The following SLF2 variants were observed in gnomAD, a reference collection of about 807,000 sequenced individuals.
SLF2 encodes the protein SMC5-SMC6 complex localization factor protein 2.
In SLF2, 68 loss-of-function variants were observed where a neutral mutation model predicts 124.3. The observed-to-expected ratio is 0.55, with a 90% CI of 0.45 to 0.67. SLF2 has a LOEUF of 0.67. Ranked by LOEUF, SLF2 falls within the 30% of genes least tolerant of loss-of-function variation. The probability of loss-of-function intolerance (pLI) is 0.00; values close to 1 mark genes in which losing one functional copy is unlikely to be tolerated. For synonymous variants in SLF2, 480 were observed against 478.8 expected, an observed-to-expected ratio of 1.00 and a Z score of -0.03; for missense variants, 1,246 against 1,373.7, an observed-to-expected ratio of 0.91 and a Z score of 1.47.
At chr10:100,940,773 CCCTGCCCCTGCT>C (rs902602590) in intron 11 of SLF2, among the ~76,000 whole-genome samples, 3 of 124,838 alleles carry the variant, frequency 2.4e-5, no homozygotes, top group African/African-American at 8.9e-5. Flanking sequence ...CTCCCCCTTC[CCCTGCCCCTGCT>C]CCTGCCCCTG....
intron 12 of SLF2, 148 bp from the exon 13 acceptor site, chr10:100,945,182 G>C: frequency 1.6e-6 from 1 of 607,614 alleles, no homozygotes; most frequent in South Asian, 2.6e-5. Flanking sequence ...ACATTGAGTA[G>C]TTCTTGCCTT....
rs139567699 is a variant in SLF2 at position 100,959,485 on chromosome 10, C to A, written c.3475C>A (p.Arg1159=). Residue 1159 remains arginine (R), a synonymous_variant, in exon 19 of 20, where the codon CGG becomes AGG. Transcript: ENST00000238961. ...ATGGCAGGAAATAATCCAGAACTGT[C>A]GGCCTACTCAGGTGTCATTTTGTTA... ...GKWQEIIQNC[R]PTQGQLHDFW... The A allele has an allele frequency of 3.8e-5, 62 of 1,612,808 alleles. No individual in the cohort carries two copies. In the African/African-American group the frequency reaches 7.6e-4, roughly 20 times the overall value.
rs1849433332 is a variant in SLF2 at position 100,917,154 on chromosome 10, A to T, written c.769A>T (p.Met257Leu). ...RELKRLRKEQMEQRINSENSF... is the reference protein window; with the variant it reads ...RELKRLRKEQLEQRINSENSF... ...ACTAAAGAGGTTGAGAAAGGAGCAA[A>T]TGGAGCAGAGAATCAACTCCGAGAA... The change falls in exon 3 of 20, where the codon ATG (methionine) becomes TTG (leucine). Residue 257 changes from methionine to leucine, a missense_variant. Physicochemically the swap from Met to Leu is conservative, Grantham distance 15. This residue lies in a region of SLF2 where 698 missense variants were observed against 708.9 expected (regional missense o/e 0.98). Coordinates refer to ENST00000238961, the MANE Select transcript of SLF2 (RefSeq NM_018121.4). The T allele has an allele frequency of 6.2e-7, 1 of 1,614,202 alleles. No homozygotes were observed. The highest frequency in any genetic ancestry group is 8.5e-7 in the Non-Finnish European group (1 of 1,180,042).
intron 18 of SLF2, among the ~76,000 whole-genome samples, chr10:100,958,301 T>A (rs1850369330): frequency 6.6e-6 from 1 of 152,242 alleles, no homozygotes; most frequent in South Asian, 2.1e-4. Flanking sequence ...TTAGTAAATT[T>A]AAGTTAAATA....
rs765449550 is a variant in SLF2 at position 100,924,092 on chromosome 10, G to A, written c.1091G>A (p.Arg364His). ...PKARESFLEK[R>H]PDGPHQKEKF... ...GCAAGAGAGTCCTTCCTTGAGAAGC[G>A]TCCTGATGGACCACATCAGAAAGAA... The change falls in exon 5 of 20, where the codon CGT becomes CAT. Residue 364 changes from arginine (R) to histidine (H), a missense_variant. Arg to His is a conservative substitution (Grantham distance 29). This residue lies in a region of SLF2 where 698 missense variants were observed against 708.9 expected (regional missense o/e 0.98). Transcript: ENST00000238961. The A allele has an allele frequency of 2.1e-5, 34 of 1,613,342 alleles. No individual in the cohort carries two copies. Among genetic ancestry groups the A allele is most frequent in the Admixed American group, 3.3e-5 (2 of 59,784 alleles).
At chr10:100,913,683 G>A (rs920641367) in intron 1 of SLF2, 4 of 1,004,468 alleles carry the variant, frequency 4.0e-6, no homozygotes, top group Non-Finnish European at 3.6e-6. Flanking sequence ...TCCCTTCCAC[G>A]AATTACTTTG....
At chr10:100,954,989 G>C (rs910584646) in intron 17 of SLF2, among the ~76,000 whole-genome samples, 4 of 150,522 alleles carry the variant, frequency 2.7e-5, no homozygotes, top group Non-Finnish European at 5.9e-5. Context: ...ACCCAGGCTG[G>C]AGTGCAGTGG....
chr10:100,936,928 T>G (rs1849875323), intron 9 of SLF2, among the ~76,000 whole-genome samples: 1 of 152,144 alleles, frequency 6.6e-6, no homozygotes, highest in Non-Finnish European at 1.5e-5. Flanking sequence ...AAATTCCACC[T>G]TCTCCACGTA....
chr10:100,918,453 A>G lies in SLF2; in HGVS notation c.973+12A>G, dbSNP rs149266490. 1.8e-5 allele frequency: 27 copies of G among 1,538,914 alleles called. 1 individual carries two copies. The highest frequency in any genetic ancestry group is 3.4e-4 in the Middle Eastern group (2 of 5,826). ...GGAACCTACTTCAGGTAGAATCAAA[A>G]TTAAATTTATGGATTTCTAAATAAA... On this transcript the variant is annotated intron_variant, in intron 4 of 19. Transcript: ENST00000238961.
At chr10:100,947,309 T>C (rs1850123154) in intron 14 of SLF2, among the ~76,000 whole-genome samples, 173 bp downstream of exon 14, 1 of 152,154 alleles carries the variant, frequency 6.6e-6, no homozygotes, top group South Asian at 2.1e-4. Flanking sequence ...ATTCTAATTC[T>C]TAACTCAGGT....
chr10:100,925,004 G>A, intron 5 of SLF2, 32 bp downstream of exon 5: 1 of 1,556,460 alleles, frequency 6.4e-7, no homozygotes, highest in Middle Eastern at 1.7e-4. Context: ...ATCTTTACTT[G>A]AAGAGGGAAA....
At chr10:100,932,484 T>C (rs1247721515) in intron 9 of SLF2, among the ~76,000 whole-genome samples, 1 of 152,170 alleles carries the variant, frequency 6.6e-6, no homozygotes, top group Non-Finnish European at 1.5e-5. Context: ...ACATGGAGTT[T>C]CTACTCTGGG....
At position 100,964,522 on chromosome 10, in the gene SLF2, T is replaced by A. The variant is rs747446859; in HGVS notation, c.*2610T>A. The A allele has an allele frequency of 6.6e-6, 1 of 152,646 alleles. No individual in the cohort carries two copies. Among genetic ancestry groups the A allele is most frequent in the Non-Finnish European group, 1.5e-5 (1 of 68,046 alleles). 9.5% of individuals were successfully genotyped at this position (152,646 alleles called of 1,614,324 possible). A position where few individuals can be genotyped will look rare whatever the true frequency, so the allele number is the denominator to read the frequency against. On this transcript the variant is annotated 3_prime_UTR_variant, in exon 20 of 20. Coordinates refer to ENST00000238961, the MANE Select transcript of SLF2 (RefSeq NM_018121.4). ...AGTAACAGCATTTGTACATTTTCTA[T>A]CTCCTGATGGCAGTGGTGCCTTTGT...
intron 15 of SLF2, 67 bp from the exon 16 acceptor site, chr10:100,950,009 A>G: frequency 7.0e-7 from 1 of 1,432,574 alleles, no homozygotes. Flanking sequence ...ACACTGGAAA[A>G]AAATAGCCTA....
intron 1 of SLF2, among the ~76,000 whole-genome samples, chr10:100,914,841 G>T (rs1371546133): frequency 6.6e-6 from 1 of 152,208 alleles, no homozygotes; most frequent in Non-Finnish European, 1.5e-5. Flanking sequence ...AAGTGTACAA[G>T]AAGCTTAACC....
At chr10:100,913,722 T>C in intron 1 of SLF2, 1 of 990,520 alleles carries the variant, frequency 1.0e-6, no homozygotes, top group Non-Finnish European at 1.2e-6. Flanking sequence ...AGTTCATACT[T>C]AAAAGAACTT....
At chr10:100,925,820 T>C in intron 5 of SLF2, 129 bp from the exon 6 acceptor site, 1 of 894,598 alleles carries the variant, frequency 1.1e-6, no homozygotes. Context: ...AATTATCCTT[T>C]AAGAAAGGTG....
chr10:100,936,699 A>G (rs1331856396), intron 9 of SLF2, among the ~76,000 whole-genome samples: 2 of 152,088 alleles, frequency 1.3e-5, no homozygotes, highest in African/African-American at 4.8e-5. Context: ...TTGAAAAACT[A>G]TGTTGGTATA....
At position 100,947,837 on chromosome 10, in the gene SLF2, G is replaced by C. The variant is rs1266467279; in HGVS notation, c.3110G>C (p.Ser1037Thr). The change falls in exon 15 of 20, where the codon AGT (serine) becomes ACT (threonine). Residue 1037 changes from serine to threonine, a missense_variant. Transcript: ENST00000238961. ...DEKHEDVPNASNLQVSVLHRY... is the reference protein window; with the variant it reads ...DEKHEDVPNATNLQVSVLHRY... ...AAACACGAAGATGTTCCTAATGCCA[G>C]TAATCTGCAGGTATAAATAAATACA... The C allele has an allele frequency of 5.6e-6, 9 of 1,607,936 alleles. No homozygotes were observed. The highest frequency in any genetic ancestry group is 7.7e-6 in the Non-Finnish European group (9 of 1,175,724).
Sources: gnomAD v4.1 joint callset for allele counts (sites outside exome capture counted in the v4.1 genomes callset) on GRCh38, gnomAD v4.1.1 for gene constraint, gnomAD v4.1.1 regional missense constraint, MANE v1.5 for transcripts, NCBI Gene and HGNC (gene_info 2026-07-23, HGNC 2026-07-21) for gene names.